Variants in E2F2 observed in about 807,000 individuals in gnomAD.
E2F2 encodes the protein transcription factor E2F2.
In E2F2, 22 loss-of-function variants were observed where a neutral mutation model predicts 42.2. The observed-to-expected ratio is 0.52, with a 90% CI of 0.37 to 0.74. The LOEUF (loss-of-function observed/expected upper bound fraction) is 0.74, where lower values mean the gene tolerates loss of function less well. Among genes scored for constraint, E2F2 ranks in the 30% least tolerant of loss-of-function variants. E2F2 has a pLI of 0.00. For missense variants in E2F2, 481 were observed against 557.8 expected, an observed-to-expected ratio of 0.86 and a Z score of 1.39; for synonymous variants, 248 against 251.6, an observed-to-expected ratio of 0.99 and a Z score of 0.13.
intron 6 of E2F2, among the ~76,000 whole-genome samples, chr1:23,512,106 G>A (rs1642920368): frequency 6.6e-6 from 1 of 152,178 alleles, no homozygotes; most frequent in African/African-American, 2.4e-5. Flanking sequence ...GCTGAGGAAG[G>A]AGAATCATTG....
At chr1:23,516,291 C>T (rs753402283) in intron 6 of E2F2, 44 bp downstream of exon 6, 23 of 1,426,628 alleles carry the variant, frequency 1.6e-5, no homozygotes, top group Middle Eastern at 5.1e-4. Flanking sequence ...AAACTAAGGC[C>T]GGTCTCTCCC....
downstream of E2F2, among the ~76,000 whole-genome samples, chr1:23,505,333 A>G (rs1642777134): frequency 6.6e-6 from 1 of 152,214 alleles, no homozygotes; most frequent in African/African-American, 2.4e-5. Context: ...TTTTAGAAAG[A>G]TCTTTCTGGG....
At chr1:23,513,967 T>C (rs1307970094) in intron 6 of E2F2, among the ~76,000 whole-genome samples, 1 of 151,488 alleles carries the variant, frequency 6.6e-6, no homozygotes, top group Non-Finnish European at 1.5e-5. Context: ...CTACTGAAAA[T>C]ACAAAAATTA....
chr1:23,522,038 T>C lies in E2F2; in HGVS notation c.377A>G (p.Glu126Gly), dbSNP rs1345077233. ...CAGCGAAGTGTCATACCGAGTCTTC[T>C]CCCCGGGGGATTTGGGGGCTGAAGA... is the stretch of plus-strand genomic sequence containing the variant. ...PSPKTPKSPG[E>G]KTRYDTSLGL... is the part of the protein sequence containing the mutation. Residue 126 changes from glutamate to glycine, a missense_variant, in exon 3 of 7, where the codon GAG becomes GGG. Physicochemically the swap from Glu to Gly is moderately conservative, Grantham distance 98. Transcript: ENST00000361729. 6.2e-7 allele frequency: 1 copy of C among 1,613,696 alleles called. No individual in the cohort carries two copies. Among genetic ancestry groups the C allele is most frequent in the Non-Finnish European group, 8.5e-7 (1 of 1,179,936 alleles).
intron 6 of E2F2, among the ~76,000 whole-genome samples, chr1:23,511,756 T>TTTTA (rs1174415798): frequency 7.0e-4 from 106 of 152,296 alleles, no homozygotes; most frequent in African/African-American, 2.4e-3. Flanking sequence ...TGATTTCACA[T>TTTTA]TTTATTTATT....
At chr1:23,521,760 C>A in intron 3 of E2F2, 77 bp downstream of exon 3, 1 of 1,577,296 alleles carries the variant, frequency 6.3e-7, no homozygotes, top group South Asian at 1.2e-5. Context: ...CCACTCACAC[C>A]CACTGGCTAT....
chr1:23,506,803 CA>C lies in E2F2; in HGVS notation c.*3076del. 6.6e-6 allele frequency: 1 copy of C among 152,422 alleles called. No homozygotes were observed. The highest frequency in any genetic ancestry group is 1.9e-4 in the East Asian group (1 of 5,190). The allele number at this position is 152,422 out of a possible 1,614,324, so 9.4% of individuals were successfully genotyped here. On this transcript the variant is annotated 3_prime_UTR_variant, in exon 7 of 7. Coordinates refer to ENST00000361729, the MANE Select transcript of E2F2 (RefSeq NM_004091.4). ...CACAACACCTGGATGCTGGGGCACC[CA>C]AACCCTTTCCCTAAAACTCTGAACA...
chr1:23,511,963 C>T (rs1642918122), intron 6 of E2F2, among the ~76,000 whole-genome samples: 2 of 152,136 alleles, frequency 1.3e-5, no homozygotes, highest in Admixed American at 6.5e-5. Context: ...TTTGGGAGGG[C>T]GAGGCAGGCA....
intron 1 of E2F2, among the ~76,000 whole-genome samples, chr1:23,526,926 C>T (rs1435405285): frequency 6.6e-5 from 10 of 152,250 alleles, no homozygotes; most frequent in African/African-American, 2.2e-4. Context: ...TTCTGCACTC[C>T]CAGGGTCCCA....
Position 23,507,315 on chromosome 1 carries a change from A to C in E2F2, c.*2565T>G, listed in dbSNP as rs1380125834. 1 of 152,202 alleles carries C rather than the reference A, an allele frequency of 6.6e-6. No homozygotes were observed. Among genetic ancestry groups the C allele is most frequent in the East Asian group, 1.9e-4 (1 of 5,194 alleles). 9.4% of individuals were successfully genotyped at this position (152,202 alleles called of 1,614,324 possible). Reference sequence around the variant, plus strand: ...GTGGATCACTTGAGGTCAGGAGTTCAAGACCAGCCTGACTAACATGGCAAA... The same window carrying C: ...GTGGATCACTTGAGGTCAGGAGTTCCAGACCAGCCTGACTAACATGGCAAA... On this transcript the variant is annotated 3_prime_UTR_variant, in exon 7 of 7. Transcript: ENST00000361729.
chr1:23,519,644 A>T (rs564341286), intron 4 of E2F2, among the ~76,000 whole-genome samples: 1 of 152,350 alleles, frequency 6.6e-6, no homozygotes, highest in South Asian at 2.1e-4. Context: ...GTATAAAGAT[A>T]TTCGGCCGAA....
rs767516175 is a variant in E2F2 at position 23,520,923 on chromosome 1, C to T, written c.727G>A (p.Ala243Thr). 6.3e-7 allele frequency: 1 copy of T among 1,595,046 alleles called. No homozygotes were observed. Among genetic ancestry groups the T allele is most frequent in the East Asian group, 2.3e-5 (1 of 43,306 alleles). Residue 243 changes from alanine (A) to threonine (T), a missense_variant, in exon 4 of 7, where the codon GCC (alanine) becomes ACC (threonine). Transcript: ENST00000361729. Reference protein sequence around the residue: ...LSFKHLTEDKANKRLAYVTYQ... With the variant: ...LSFKHLTEDKTNKRLAYVTYQ... ...AACCAAGGAGGATATCTCTTGTTGG[C>T]CTTGTCCTCAGTCAGGTGCTTGAAG...
intron 5 of E2F2, 120 bp downstream of exon 5, chr1:23,518,896 C>T (rs1334313763): frequency 2.8e-6 from 2 of 702,206 alleles, no homozygotes; most frequent in Non-Finnish European, 4.6e-6. Context: ...GCCATGGACA[C>T]CACAATGGGC....
intron 5 of E2F2, 86 bp from the exon 6 acceptor site, chr1:23,516,613 G>C: frequency 8.8e-7 from 1 of 1,136,894 alleles, no homozygotes; most frequent in South Asian, 1.6e-5. Context: ...CGTGGCTGCT[G>C]CCATCCATGG....
At chr1:23,526,999 T>G (rs1291974199) in intron 1 of E2F2, among the ~76,000 whole-genome samples, 1 of 152,198 alleles carries the variant, frequency 6.6e-6, no homozygotes, top group African/African-American at 2.4e-5. Flanking sequence ...CAGAGGAAAG[T>G]CAGCCTATGG....
At chr1:23,522,477 T>A (rs997821834) in intron 2 of E2F2, among the ~76,000 whole-genome samples, 1 of 152,230 alleles carries the variant, frequency 6.6e-6, no homozygotes, top group African/African-American at 2.4e-5. Flanking sequence ...ACAGTTTAAG[T>A]AATTTGCTCA....
chr1:23,522,587 C>T (rs1240079824), intron 2 of E2F2, among the ~76,000 whole-genome samples: 1 of 152,052 alleles, frequency 6.6e-6, no homozygotes, highest in Admixed American at 6.6e-5. Flanking sequence ...CTTAAATGTC[C>T]GGAGTTTGGA....
chr1:23,522,145 C>CCTTT, intron 2 of E2F2, 89 bp from the exon 3 acceptor site: 1 of 1,136,144 alleles, frequency 8.8e-7, no homozygotes, highest in Non-Finnish European at 1.3e-6. Flanking sequence ...TTAAGTACCA[C>CCTTT]CTTTCACCAC....
chr1:23,517,791 A>G (rs1643053204), intron 5 of E2F2, among the ~76,000 whole-genome samples: 2 of 152,358 alleles, frequency 1.3e-5, no homozygotes, highest in East Asian at 3.9e-4. Context: ...AGGAAGTGAC[A>G]TTTGAGTTGA....
Sources: allele counts gnomAD v4.1 joint callset (sites outside exome capture counted in the v4.1 genomes callset), GRCh38; gene constraint gnomAD v4.1.1; transcripts MANE v1.5; gene names NCBI Gene and HGNC (gene_info 2026-07-23, HGNC 2026-07-21).